The following TBX20 variants were observed in gnomAD, a reference collection of about 807,000 sequenced individuals.
The protein encoded by TBX20 is T-box transcription factor TBX20.
A neutral mutation model predicts 42.9 loss-of-function variants in TBX20; 8 were observed. The ratio of observed to expected loss-of-function variants is 0.19; its 90% CI spans 0.11 to 0.34. TBX20 has a LOEUF of 0.34. Ranked by LOEUF, TBX20 falls within the 10% of genes least tolerant of loss-of-function variation. TBX20 has a pLI of 1.00. For missense variants in TBX20, 411 were observed against 566.0 expected (o/e 0.73, Z 2.78); for synonymous variants, 198 against 222.8 (o/e 0.89, Z 0.99).
chr7:35,227,478 A>C (rs1307458661), intron 6 of TBX20, among the ~76,000 whole-genome samples: 1 of 152,074 alleles, frequency 6.6e-6, no homozygotes. Context: ...GTGCCTTTTT[A>C]ATGTTTAGGT....
chr7:35,206,847 G>A (rs929266214), intron 6 of TBX20, among the ~76,000 whole-genome samples: 4 of 152,152 alleles, frequency 2.6e-5, no homozygotes, highest in African/African-American at 9.7e-5. Flanking sequence ...GATTTATCAT[G>A]TTGGGGCATA....
At chr7:35,242,851 T>A (rs571111874) in intron 4 of TBX20, among the ~76,000 whole-genome samples, 92 of 152,334 alleles carry the variant, frequency 6.0e-4, no homozygotes, top group African/African-American at 2.2e-3. Context: ...AAACTAAAAC[T>A]GCATCTATAA....
chr7:35,252,420 C>A (rs1584361140), intron 1 of TBX20, among the ~76,000 whole-genome samples: 1 of 150,614 alleles, frequency 6.6e-6, no homozygotes, highest in Non-Finnish European at 1.5e-5. Context: ...TACAGATCTA[C>A]TAGTTTCTTT....
Position 35,253,846 on chromosome 7 carries a change from G to C in TBX20, c.-226C>G. The C allele has an allele frequency of 1.7e-6, 1 of 572,976 alleles. No homozygotes were observed. Among genetic ancestry groups the C allele is most frequent in the Admixed American group, 3.3e-5 (1 of 30,728 alleles). 35.5% of individuals were successfully genotyped at this position (572,976 alleles called of 1,614,324 possible). ...CAGAGACTTCGAAGGCAGCCGGAGA[G>C]GAGAGGGCCCACCGAGCACTACGGC... On this transcript the variant is annotated 5_prime_UTR_variant, in exon 1 of 8. Coordinates refer to ENST00000408931, the MANE Select transcript of TBX20 (RefSeq NM_001077653.2).
chr7:35,208,720 C>T (rs554864196), intron 6 of TBX20, among the ~76,000 whole-genome samples: 31 of 107,728 alleles, frequency 2.9e-4, no homozygotes, highest in Non-Finnish European at 4.7e-4. Context: ...CCAGCCTGGG[C>T]AACAAGAGCG....
At chr7:35,248,878 T>C (rs1218591522) in intron 2 of TBX20, 37 bp from the exon 3 acceptor site, 1 of 1,613,638 alleles carries the variant, frequency 6.2e-7, no homozygotes, top group Middle Eastern at 1.7e-4. Context: ...GCCCTGTTTA[T>C]GCTGCCTAAT....
intron 6 of TBX20, among the ~76,000 whole-genome samples, chr7:35,214,169 T>C (rs1789544124): frequency 2.6e-5 from 4 of 152,174 alleles, no homozygotes; most frequent in Admixed American, 2.6e-4. Context: ...AAAAATATTT[T>C]ATCCTCTTAG....
chr7:35,220,627 C>G (rs916024915), intron 6 of TBX20, among the ~76,000 whole-genome samples: 1 of 152,200 alleles, frequency 6.6e-6, no homozygotes, highest in South Asian at 2.1e-4. Flanking sequence ...ATCTAACAAA[C>G]AGCTTCAGGC....
chr7:35,204,486 C>G lies in TBX20; in HGVS notation c.987G>C (p.Gln329His). 1.2e-6 allele frequency: 2 copies of G among 1,613,018 alleles called. No homozygotes were observed. The highest frequency in any genetic ancestry group is 1.1e-5 in the South Asian group (1 of 91,004). ...CTACCTTACCTCGATTTGGGGTTGT[C>G]TGACTCTCATCCCCCAAGACATCTT... is the stretch of plus-strand genomic sequence containing the variant. ...GEEDVLGDES[Q>H]TTPNRGSAFT... Residue 329 changes from glutamine to histidine, a missense_variant, in exon 7 of 8, where the codon CAG (glutamine) becomes CAC (histidine). Physicochemically the swap from Gln to His is conservative, Grantham distance 24 (BLOSUM62 0). Around this residue, in one of 5 missense-constraint regions of TBX20, gnomAD observed 162 missense variants for 205.4 expected, o/e 0.79. Transcript: ENST00000408931.
At chr7:35,246,602 TCTTG>T (rs1055326496) in intron 3 of TBX20, among the ~76,000 whole-genome samples, 1 of 152,152 alleles carries the variant, frequency 6.6e-6, no homozygotes, top group Non-Finnish European at 1.5e-5. Context: ...ATAAGTAATA[TCTTG>T]CTTATTATTA....
At chr7:35,221,085 A>G (rs1201036934) in intron 6 of TBX20, among the ~76,000 whole-genome samples, 1 of 152,108 alleles carries the variant, frequency 6.6e-6, no homozygotes, top group Admixed American at 6.5e-5. Flanking sequence ...TAAAGAGAGA[A>G]GATAAATGGG....
At chr7:35,235,227 T>C (rs1432358139) in intron 5 of TBX20, among the ~76,000 whole-genome samples, 3 of 151,432 alleles carry the variant, frequency 2.0e-5, no homozygotes, top group African/African-American at 7.3e-5. Flanking sequence ...TAAAGACCAG[T>C]AGCTATATAG....
Position 35,250,157 on chromosome 7 carries a change from C to G in TBX20, c.174G>C (p.Leu58=). 1.9e-6 allele frequency: 3 copies of G among 1,614,062 alleles called. No individual in the cohort carries two copies. Among genetic ancestry groups the G allele is most frequent in the Non-Finnish European group, 2.5e-6 (3 of 1,180,008 alleles). Residue 58 remains leucine, a synonymous_variant, in exon 2 of 8, where the codon CTG becomes CTC. Transcript: ENST00000408931. Reference sequence around the variant, plus strand: ...ACTCCCCATGAGCATCCAGGCTGGTCAGCTCACCCAGGGGCTGGGCACAGG... The same window carrying G: ...ACTCCCCATGAGCATCCAGGCTGGTGAGCTCACCCAGGGGCTGGGCACAGG... ...KSSCAQPLGE[L]TSLDAHGEFG...
At chr7:35,226,330 T>A (rs1275383482) in intron 6 of TBX20, among the ~76,000 whole-genome samples, 1 of 149,180 alleles carries the variant, frequency 6.7e-6, no homozygotes, top group African/African-American at 2.5e-5. Context: ...CCAACATATA[T>A]GAACAATAAA....
At chr7:35,248,486 T>C (rs1790236789) in intron 3 of TBX20, among the ~76,000 whole-genome samples, 191 bp downstream of exon 3, 1 of 152,236 alleles carries the variant, frequency 6.6e-6, no homozygotes, top group African/African-American at 2.4e-5. Context: ...GTGTTTTCTC[T>C]ATGCACAAAC....
At chr7:35,224,263 C>A (rs1397292606) in intron 6 of TBX20, among the ~76,000 whole-genome samples, 3 of 152,184 alleles carry the variant, frequency 2.0e-5, no homozygotes, top group Admixed American at 2.0e-4. Context: ...GAAACCAATA[C>A]CAGCAACTGA....
intron 5 of TBX20, among the ~76,000 whole-genome samples, chr7:35,237,596 A>G (rs1789990563): frequency 7.6e-6 from 1 of 131,926 alleles, no homozygotes; most frequent in African/African-American, 2.6e-5. Context: ...GGGAGGAAAG[A>G]GAAAATTTGG....
rs1369923957 is a variant in TBX20, at chr7:35,202,534, G to C, written c.1240C>G (p.Pro414Ala). The change falls in exon 8 of 8, where the codon CCT becomes GCT. Residue 414 changes from proline to alanine, a missense_variant. Physicochemically the swap from Pro to Ala is conservative, Grantham distance 27. Around this residue, in one of 5 missense-constraint regions of TBX20, gnomAD observed 162 missense variants for 205.4 expected, o/e 0.79. Coordinates refer to ENST00000408931, the MANE Select transcript of TBX20 (RefSeq NM_001077653.2). ...TGGTATCGCGGCATGTGGAATGAAGGGAATGTGGGGCCACTCCCTTGCATG... is the reference window on the plus strand; with the variant it reads ...TGGTATCGCGGCATGTGGAATGAAGCGAATGTGGGGCCACTCCCTTGCATG... ...SSMQGSGPTF[P>A]SFHMPRYHHY... 1 of 1,613,690 alleles carries C rather than the reference G, an allele frequency of 6.2e-7. No individual in the cohort carries two copies.
intron 5 of TBX20, among the ~76,000 whole-genome samples, chr7:35,235,302 A>C (rs575302843): frequency 1.1e-4 from 15 of 131,504 alleles, no homozygotes; most frequent in Middle Eastern, 3.7e-3. Context: ...AAAAAAAAAA[A>C]AACAACACTG....
Sources: gnomAD v4.1 joint callset for allele counts (sites outside exome capture counted in the v4.1 genomes callset) on GRCh38, gnomAD v4.1.1 for gene constraint, gnomAD v4.1.1 regional missense constraint, MANE v1.5 for transcripts, NCBI Gene and HGNC (gene_info 2026-07-23, HGNC 2026-07-21) for gene names.